Variants in PCDH7 observed in about 807,000 individuals in gnomAD.
PCDH7 encodes the protein protocadherin-7.
A neutral mutation model predicts 58.9 loss-of-function variants in PCDH7; 17 were observed. The ratio of observed to expected loss-of-function variants is 0.29; its 90% CI spans 0.20 to 0.43. The LOEUF is 0.43. Ranked by LOEUF, PCDH7 falls within the 20% of genes least tolerant of loss-of-function variation. The probability of loss-of-function intolerance (pLI) is 1.00; values close to 1 mark genes in which losing one functional copy is unlikely to be tolerated. For synonymous variants in PCDH7, 664 were observed against 616.4 expected, an observed-to-expected ratio of 1.08 and a Z score of -1.14; for missense variants, 1,274 against 1,441.0, an observed-to-expected ratio of 0.88 and a Z score of 1.88.
chr4:31,017,308 T>A lies in PCDH7; in HGVS notation c.*7+67093T>A, dbSNP rs190022242. Among the ~76,000 whole-genome samples, 282 of 152,296 alleles carry A rather than the reference T, an allele frequency of 1.9e-3. 1 individual carries two copies. The highest frequency in any genetic ancestry group is 5.3e-3 in the African/African-American group (220 of 41,560). ...TAAGTAATAGTTATTCTTATTTTTT[T>A]AAAAAATAATTTACATCCATTTGAT... is the stretch of plus-strand genomic sequence containing the variant. On this transcript the variant is annotated intron_variant, in intron 3 of 3. Coordinates refer to the PCDH7 transcript ENST00000509759.
chr4:31,097,120 A>G (rs1714106441), intron 3 of PCDH7, among the ~76,000 whole-genome samples: 3 of 152,106 alleles, frequency 2.0e-5, no homozygotes, highest in Non-Finnish European at 4.4e-5. Context: ...TGACAAATAG[A>G]AAGTATGTGC....
chr4:30,776,857 T>TGG (rs900727513), intron 1 of PCDH7, among the ~76,000 whole-genome samples: 1 of 62,452 alleles, frequency 1.6e-5, no homozygotes, highest in Non-Finnish European at 3.0e-5. Context: ...TTTTGATATG[T>TGG]GGTGTGTGTG....
chr4:30,998,051 A>G (rs1474291746), intron 3 of PCDH7, among the ~76,000 whole-genome samples: 1 of 152,174 alleles, frequency 6.6e-6, no homozygotes, highest in Non-Finnish European at 1.5e-5. Flanking sequence ...AAACTCTGCC[A>G]GGGGAAGCTT....
At chr4:31,118,231 A>G (rs189142254) in intron 3 of PCDH7, among the ~76,000 whole-genome samples, 1 of 152,336 alleles carries the variant, frequency 6.6e-6, no homozygotes. Context: ...ATTGTAAGAA[A>G]GTAGCTAAGC....
intron 2 of PCDH7, among the ~76,000 whole-genome samples, chr4:30,937,572 A>G (rs1378071006): frequency 6.6e-6 from 1 of 152,148 alleles, no homozygotes; most frequent in South Asian, 2.1e-4. Flanking sequence ...GTAACAAATT[A>G]AAATAAAATG....
chr4:31,107,928 A>T (rs886486946), intron 3 of PCDH7, among the ~76,000 whole-genome samples: 1 of 152,152 alleles, frequency 6.6e-6, no homozygotes, highest in Non-Finnish European at 1.5e-5. Context: ...AGTAGTTGTT[A>T]TTAAATTCAC....
chr4:31,070,873 G>A (rs561934634), intron 3 of PCDH7, among the ~76,000 whole-genome samples: 4 of 152,154 alleles, frequency 2.6e-5, no homozygotes, highest in African/African-American at 9.6e-5. Flanking sequence ...ACAAATATAG[G>A]TATTTGTTAA....
intron 1 of PCDH7, among the ~76,000 whole-genome samples, chr4:30,750,223 C>T (rs994995476): frequency 3.3e-5 from 5 of 152,116 alleles, no homozygotes; most frequent in African/African-American, 1.2e-4. Context: ...ATTATGAAAA[C>T]AGAGAAATTT....
rs74332396 is a variant in PCDH7, at chr4:31,031,446, G to A, written c.*7+81231G>A. On this transcript the variant is annotated intron_variant, in intron 3 of 3. Transcript: ENST00000509759. ...GAATATTCACAAAAGCAAGGCTTAT[G>A]TCCTTTGGGAAATTCTGTGTGGTCT... Among the ~76,000 whole-genome samples, 15 of 152,286 alleles carry A rather than the reference G, an allele frequency of 9.8e-5. No individual in the cohort carries two copies. The East Asian group carries it at 2.9e-3, about 29-fold the overall frequency.
At chr4:30,974,853 A>G (rs757736945) in intron 3 of PCDH7, among the ~76,000 whole-genome samples, 6 of 152,184 alleles carry the variant, frequency 3.9e-5, no homozygotes, top group African/African-American at 7.2e-5. Flanking sequence ...AGGCAAGCTA[A>G]GAGAAATTAA....
intron 3 of PCDH7, among the ~76,000 whole-genome samples, chr4:31,125,001 C>A (rs1718129693): frequency 6.6e-6 from 1 of 152,162 alleles, no homozygotes; most frequent in East Asian, 1.9e-4. Flanking sequence ...TGACAATAAT[C>A]CAAAACCTCA....
At chr4:30,960,339 A>G (rs1286129924) in intron 3 of PCDH7, among the ~76,000 whole-genome samples, 1 of 152,144 alleles carries the variant, frequency 6.6e-6, no homozygotes, top group Admixed American at 6.5e-5. Context: ...CGAAAATGAG[A>G]ATTGGCTGTG....
At chr4:31,060,139 G>A (rs538186729) in intron 3 of PCDH7, among the ~76,000 whole-genome samples, 1 of 151,758 alleles carries the variant, frequency 6.6e-6, no homozygotes, top group Non-Finnish European at 1.5e-5. Flanking sequence ...ATAAATCAGT[G>A]GCATCTGGTT....
At chr4:31,045,398 A>C (rs1220858610) in intron 3 of PCDH7, among the ~76,000 whole-genome samples, 1 of 152,004 alleles carries the variant, frequency 6.6e-6, no homozygotes, top group Non-Finnish European at 1.5e-5. Flanking sequence ...CAAAGGGACA[A>C]TATGAAGAGC....
At chr4:30,946,547 G>A (rs115119395) in intron 2 of PCDH7, among the ~76,000 whole-genome samples, 16 of 151,534 alleles carry the variant, frequency 1.1e-4, no homozygotes, top group African/African-American at 3.9e-4. Context: ...CTTTTCTGCA[G>A]CAACTCTTTT....
intron 3 of PCDH7, among the ~76,000 whole-genome samples, chr4:30,953,791 G>T (rs182014263): frequency 6.6e-6 from 1 of 152,108 alleles, no homozygotes; most frequent in Admixed American, 6.5e-5. Context: ...GTGAATCTTT[G>T]CCTAAGAAGT....
rs1234367476 is a variant in PCDH7, at chr4:30,849,801, T to C, written c.71-70352T>C. Among the ~76,000 whole-genome samples, 4 of 152,206 alleles carry C rather than the reference T, an allele frequency of 2.6e-5. No individual in the cohort carries two copies. In the East Asian group the frequency reaches 5.8e-4, roughly 22 times the overall value. ...TTTTCTGGTATTTCTTTAATTTCTA[T>C]TCCTGGAATCCAAGGCAGAATAGGT... On this transcript the variant is annotated intron_variant, in intron 1 of 3. Transcript: ENST00000509759.
intron 3 of PCDH7, among the ~76,000 whole-genome samples, chr4:31,136,418 T>C (rs960248879): frequency 4.7e-4 from 71 of 152,210 alleles, no homozygotes; most frequent in African/African-American, 1.6e-3. Flanking sequence ...ACTGGGACTC[T>C]AAATCTCCTG....
At chr4:30,853,578 T>A (rs1733061674) in intron 1 of PCDH7, among the ~76,000 whole-genome samples, 1 of 152,116 alleles carries the variant, frequency 6.6e-6, no homozygotes, top group African/African-American at 2.4e-5. Flanking sequence ...TTATTTTTAT[T>A]TTTAATCAAA....
Sources: allele counts gnomAD v4.1 joint callset (sites outside exome capture counted in the v4.1 genomes callset), GRCh38; gene constraint gnomAD v4.1.1; transcripts MANE v1.5; gene names NCBI Gene and HGNC (gene_info 2026-07-23, HGNC 2026-07-21).